SLC24A3: variants seen among roughly 807,000 people sequenced by gnomAD.
SLC24A3 encodes the protein solute carrier family 24 member 3, also known as sodium/potassium/calcium exchanger 3.
SLC24A3 carries 28 observed loss-of-function variants against 75.8 expected under a neutral mutation model. The observed-to-expected ratio is 0.37, with a 90% CI of 0.27 to 0.51. SLC24A3 has a LOEUF of 0.51. Among genes scored for constraint, SLC24A3 ranks in the 20% least tolerant of loss-of-function variants. SLC24A3 has a pLI of 0.94. For synonymous variants in SLC24A3, 372 were observed against 334.1 expected (o/e 1.11, Z -1.24); for missense variants, 663 against 847.8 (o/e 0.78, Z 2.71).
At position 19,224,147 on chromosome 20, in the gene SLC24A3, T is replaced by TGTGTGA. The variant is rs1491449362; in HGVS notation, c.142+11164_142+11165insTGTGAG. Among the ~76,000 whole-genome samples, 11 of 140,008 alleles carry TGTGTGA rather than the reference T, an allele frequency of 7.9e-5. 2 individuals carry two copies. The highest frequency in any genetic ancestry group is 2.9e-4 in the African/African-American group (11 of 38,408). 91.9% of individuals were successfully genotyped at this position (140,008 alleles called of 152,430 possible). On this transcript the variant is annotated intron_variant, in intron 1 of 16. Coordinates refer to ENST00000328041, the MANE Select transcript of SLC24A3 (RefSeq NM_020689.4). ...GTGTGTGTGTGTGTGTGTGTGTGTG[T>TGTGTGA]GAGAGTATTGAGTTACACACAGTTT... is the stretch of plus-strand genomic sequence containing the variant.
intron 2 of SLC24A3, among the ~76,000 whole-genome samples, chr20:19,422,192 C>T (rs59506629): frequency 6.6e-6 from 1 of 152,234 alleles, no homozygotes; most frequent in South Asian, 2.1e-4. Context: ...AAGTCTCCCC[C>T]ACATGGCCAG....
intron 4 of SLC24A3, among the ~76,000 whole-genome samples, chr20:19,582,854 G>A (rs537093091): frequency 6.6e-6 from 1 of 152,356 alleles, no homozygotes; most frequent in East Asian, 1.9e-4. Flanking sequence ...AGGACCATGA[G>A]GTGGCAGGCC....
At chr20:19,485,265 T>C (rs746300220) in intron 2 of SLC24A3, among the ~76,000 whole-genome samples, 1 of 152,204 alleles carries the variant, frequency 6.6e-6, no homozygotes, top group East Asian at 1.9e-4. Flanking sequence ...GCAGCCTCGT[T>C]GTCTGTCATG....
rs545204218 is a variant in SLC24A3 at position 19,530,531 on chromosome 20, A to G, written c.348+14967A>G. On this transcript the variant is annotated intron_variant, in intron 3 of 16. Coordinates refer to ENST00000328041, the MANE Select transcript of SLC24A3 (RefSeq NM_020689.4). ...CCACTGACCAGCTCTACGACCTTCAATATGTCACTTGCCCTTCAGGGTTTT... is the reference window on the plus strand; with the variant it reads ...CCACTGACCAGCTCTACGACCTTCAGTATGTCACTTGCCCTTCAGGGTTTT... Among the ~76,000 whole-genome samples, 8 of 152,320 alleles carry G rather than the reference A, an allele frequency of 5.3e-5. No homozygotes were observed. In the South Asian group the frequency reaches 1.7e-3, roughly 32 times the overall value.
intron 9 of SLC24A3, among the ~76,000 whole-genome samples, chr20:19,681,256 G>A (rs1382839963): frequency 6.6e-6 from 1 of 152,108 alleles, no homozygotes; most frequent in East Asian, 1.9e-4. Context: ...ATAAAGCTAA[G>A]GGCCCATTGG....
At chr20:19,392,372 C>T (rs1043367949) in intron 2 of SLC24A3, among the ~76,000 whole-genome samples, 7 of 152,108 alleles carry the variant, frequency 4.6e-5, no homozygotes, top group Admixed American at 1.3e-4. Context: ...GTTCTATTAG[C>T]GTTTCTTGAG....
At chr20:19,369,040 A>G (rs1433493890) in intron 2 of SLC24A3, among the ~76,000 whole-genome samples, 1 of 152,250 alleles carries the variant, frequency 6.6e-6, no homozygotes, top group Admixed American at 6.5e-5. Flanking sequence ...GACAATCATC[A>G]TCATCATAAT....
chr20:19,469,969 TC>T (rs1230730501), intron 2 of SLC24A3, among the ~76,000 whole-genome samples: 4 of 152,152 alleles, frequency 2.6e-5, no homozygotes, highest in African/African-American at 7.2e-5. Flanking sequence ...ATAGACCTCC[TC>T]CCTGCAAACT....
intron 3 of SLC24A3, among the ~76,000 whole-genome samples, chr20:19,558,246 A>G (rs1286204148): frequency 1.3e-5 from 2 of 151,822 alleles, no homozygotes; most frequent in Admixed American, 1.3e-4. Context: ...TTTATTTTTT[A>G]TTTTTTTATT....
At chr20:19,667,955 C>G (rs2032419368) in intron 8 of SLC24A3, among the ~76,000 whole-genome samples, 1 of 152,154 alleles carries the variant, frequency 6.6e-6, no homozygotes, top group Non-Finnish European at 1.5e-5. Flanking sequence ...CCCTCTCATC[C>G]AATTATGAGT....
At chr20:19,360,839 T>A (rs951770255) in intron 2 of SLC24A3, among the ~76,000 whole-genome samples, 2 of 152,138 alleles carry the variant, frequency 1.3e-5, no homozygotes, top group Non-Finnish European at 2.9e-5. Context: ...TTTTTTTTTT[T>A]TTTTTGAGAC....
chr20:19,626,045 T>G (rs187354324), intron 6 of SLC24A3, among the ~76,000 whole-genome samples: 13 of 152,288 alleles, frequency 8.5e-5, no homozygotes, highest in African/African-American at 3.1e-4. Flanking sequence ...TATGGCTTTA[T>G]AGCCTGTTTG....
chr20:19,281,478 T>A (rs145086119), intron 2 of SLC24A3, among the ~76,000 whole-genome samples: 2 of 152,304 alleles, frequency 1.3e-5, no homozygotes, highest in East Asian at 3.9e-4. Context: ...TCTATCACAG[T>A]AGAGACACAG....
At chr20:19,440,206 C>T (rs1469387019) in intron 2 of SLC24A3, among the ~76,000 whole-genome samples, 1 of 152,182 alleles carries the variant, frequency 6.6e-6, no homozygotes, top group African/African-American at 2.4e-5. Flanking sequence ...AAGAGCAGCA[C>T]CACAGCCTGT....
intron 6 of SLC24A3, among the ~76,000 whole-genome samples, chr20:19,646,406 T>G (rs910435248): frequency 2.6e-5 from 4 of 152,300 alleles, no homozygotes; most frequent in Middle Eastern, 3.4e-3. Context: ...ACTTGGTGTT[T>G]TCTTGAAATT....
At chr20:19,597,135 C>G (rs943467798) in intron 6 of SLC24A3, among the ~76,000 whole-genome samples, 1 of 152,192 alleles carries the variant, frequency 6.6e-6, no homozygotes, top group Non-Finnish European at 1.5e-5. Context: ...GTGGCCCCAG[C>G]ACTTTGGAAG....
intron 2 of SLC24A3, among the ~76,000 whole-genome samples, chr20:19,411,148 G>A (rs920288663): frequency 6.6e-6 from 1 of 152,152 alleles, no homozygotes; most frequent in Non-Finnish European, 1.5e-5. Flanking sequence ...AACCCAGGGT[G>A]ATCACAATCT....
chr20:19,400,244 G>A (rs1986527063), intron 2 of SLC24A3, among the ~76,000 whole-genome samples: 1 of 152,166 alleles, frequency 6.6e-6, no homozygotes, highest in Non-Finnish European at 1.5e-5. Flanking sequence ...GGATATGTTT[G>A]TATTCTTATA....
chr20:19,672,782 A>G (rs886363027), intron 8 of SLC24A3, among the ~76,000 whole-genome samples: 6 of 152,190 alleles, frequency 3.9e-5, no homozygotes, highest in African/African-American at 1.2e-4. Flanking sequence ...TATCCTTTTC[A>G]CATTTGACCA....
Sources: allele counts gnomAD v4.1 joint callset (sites outside exome capture counted in the v4.1 genomes callset), GRCh38; gene constraint gnomAD v4.1.1; transcripts MANE v1.5; gene names NCBI Gene and HGNC (gene_info 2026-07-23, HGNC 2026-07-21).